The following ADAMTS17 variants were observed in gnomAD, a reference collection of about 807,000 sequenced individuals.
ADAMTS17 encodes A disintegrin and metalloproteinase with thrombospondin motifs 17.
ADAMTS17 carries 113 observed loss-of-function variants against 141.5 expected under a neutral mutation model. That is an observed-to-expected ratio of 0.80 (90% confidence interval 0.69 to 0.93). The LOEUF is 0.93. ADAMTS17 is among the 40% of genes least tolerant of loss of function. The probability of loss-of-function intolerance (pLI) is 0.00; values close to 1 mark genes in which losing one functional copy is unlikely to be tolerated. For missense variants in ADAMTS17, 1,659 were observed against 1,517.9 expected, an observed-to-expected ratio of 1.09 and a Z score of -1.54; for synonymous variants, 768 against 630.6, an observed-to-expected ratio of 1.22 and a Z score of -3.27.
rs1178385489 is a variant in ADAMTS17, at chr15:99,976,199, G to A, written c.2973C>T (p.Gly991=). Residue 991 remains glycine (G), a synonymous_variant, in exon 21 of 22, where the codon GGC becomes GGT. Transcript: ENST00000268070. ...TGCACTGCACCACCCGGGACTGCAG[G>A]CCCTTCCCGCAGGTCGACGAGCACT... ...WSTCSSTCGK[G]LQSRVVQCMH... is the part of the protein sequence containing the mutation. 6.5e-7 allele frequency: 1 copy of A among 1,548,214 alleles called. No homozygotes were observed. The highest frequency in any genetic ancestry group is 2.4e-5 in the East Asian group (1 of 40,922).
At chr15:100,089,163 A>T (rs1490958240) in intron 15 of ADAMTS17, among the ~76,000 whole-genome samples, 1 of 151,572 alleles carries the variant, frequency 6.6e-6, no homozygotes, top group Non-Finnish European at 1.5e-5. Context: ...ACCCCATCAA[A>T]AAGTGGGCAA....
intron 19 of ADAMTS17, among the ~76,000 whole-genome samples, chr15:99,994,687 C>T (rs2060762707): frequency 6.6e-6 from 1 of 152,192 alleles, no homozygotes; most frequent in Non-Finnish European, 1.5e-5. Context: ...CTGCCTCAGC[C>T]TCCTGAGTAG....
intron 7 of ADAMTS17, among the ~76,000 whole-genome samples, chr15:100,202,496 A>C (rs997447216): frequency 6.6e-6 from 1 of 152,238 alleles, no homozygotes; most frequent in Non-Finnish European, 1.5e-5. Context: ...TGTGTTTATG[A>C]GAGATGAGGT....
Position 100,132,168 on chromosome 15 carries a change from G to A in ADAMTS17, c.1576-16C>T. 1 of 1,611,690 alleles carries A rather than the reference G, an allele frequency of 6.2e-7. No homozygotes were observed. The highest frequency in any genetic ancestry group is 8.5e-7 in the Non-Finnish European group (1 of 1,179,454). On this transcript the variant is annotated splice_polypyrimidine_tract_variant and intron_variant, in intron 11 of 21. Coordinates refer to ENST00000268070, the MANE Select transcript of ADAMTS17 (RefSeq NM_139057.4). ...CGCGGCACCACTGAAACACAGCGGG[G>A]AGGGTCGGGGCCCAGGCACTCAGCA...
chr15:100,331,139 C>T (rs1366900791), intron 2 of ADAMTS17, 85 bp from the exon 3 acceptor site: 4 of 1,549,170 alleles, frequency 2.6e-6, no homozygotes, highest in Admixed American at 1.8e-5. Flanking sequence ...GGCAAGACCA[C>T]CTTGCTGTGA....
intron 3 of ADAMTS17, among the ~76,000 whole-genome samples, chr15:100,314,217 T>A (rs2045491546): frequency 6.6e-6 from 1 of 152,206 alleles, no homozygotes; most frequent in Non-Finnish European, 1.5e-5. Flanking sequence ...TCGGAAGACA[T>A]GACAGCTAAA....
chr15:100,239,479 C>T (rs1024019917), intron 7 of ADAMTS17, among the ~76,000 whole-genome samples: 6 of 152,090 alleles, frequency 3.9e-5, no homozygotes, highest in Non-Finnish European at 7.4e-5. Context: ...GTGCAGATCT[C>T]GGCACCGCTC....
chr15:100,157,113 C>G (rs955476826), intron 8 of ADAMTS17, among the ~76,000 whole-genome samples: 3 of 152,178 alleles, frequency 2.0e-5, no homozygotes, highest in African/African-American at 7.2e-5. Flanking sequence ...ACAAACCCAT[C>G]AGATCTTGTG....
In ADAMTS17 at chr15:99,997,371, G is replaced by A; in HGVS notation, c.2796+14C>T. 1 of 1,613,500 alleles carries A rather than the reference G, an allele frequency of 6.2e-7. No homozygotes were observed. The highest frequency in any genetic ancestry group is 1.6e-4 in the Middle Eastern group (1 of 6,062). On this transcript the variant is annotated intron_variant, in intron 19 of 21. Coordinates refer to ENST00000268070, the MANE Select transcript of ADAMTS17 (RefSeq NM_139057.4). The surrounding 1 kb of genome is among the most constrained non-coding windows in gnomAD (Gnocchi z 4.7). ...CCCTGTGGCTGAGTCCTGGTGGCAAGCCCAGGCACCCACCTGTGACCACTC... is the reference window on the plus strand; with the variant it reads ...CCCTGTGGCTGAGTCCTGGTGGCAAACCCAGGCACCCACCTGTGACCACTC...
intron 15 of ADAMTS17, among the ~76,000 whole-genome samples, chr15:100,066,511 C>A (rs1011872117): frequency 1.3e-5 from 2 of 152,058 alleles, no homozygotes; most frequent in Non-Finnish European, 2.9e-5. Flanking sequence ...TTCCTTAAAT[C>A]CATGTGAAGG....
At chr15:100,289,184 C>T (rs1171102142) in intron 3 of ADAMTS17, among the ~76,000 whole-genome samples, 1 of 152,080 alleles carries the variant, frequency 6.6e-6, no homozygotes, top group East Asian at 1.9e-4. Flanking sequence ...CACAGAAATA[C>T]AAAAAACTTT....
chr15:100,103,527 A>G (rs1017295975), intron 14 of ADAMTS17, among the ~76,000 whole-genome samples: 1 of 152,186 alleles, frequency 6.6e-6, no homozygotes, highest in African/African-American at 2.4e-5. Context: ...TCCAGATTCC[A>G]GAACCACTGA....
intron 7 of ADAMTS17, among the ~76,000 whole-genome samples, chr15:100,253,253 AAAG>A (rs1293374357): frequency 2.8e-4 from 41 of 146,626 alleles, no homozygotes; most frequent in Admixed American, 2.2e-3. Flanking sequence ...CACTGTGTGC[AAAG>A]AATGGTTTCC....
chr15:100,234,060 G>T (rs2042576688), intron 7 of ADAMTS17, among the ~76,000 whole-genome samples: 1 of 152,158 alleles, frequency 6.6e-6, no homozygotes, highest in Non-Finnish European at 1.5e-5. Flanking sequence ...TGTTGAAGAG[G>T]AAGCTCCGTG....
At chr15:100,013,642 C>G (rs2061230681) in intron 18 of ADAMTS17, among the ~76,000 whole-genome samples, 1 of 152,188 alleles carries the variant, frequency 6.6e-6, no homozygotes, top group Non-Finnish European at 1.5e-5. Flanking sequence ...TTGAGATGAT[C>G]ATGTGATTTT....
intron 6 of ADAMTS17, among the ~76,000 whole-genome samples, chr15:100,255,190 A>C (rs1023830627): frequency 1.3e-5 from 2 of 152,014 alleles, no homozygotes; most frequent in African/African-American, 2.4e-5. Flanking sequence ...CTTTTCTAAT[A>C]CTGGATCATT....
intron 18 of ADAMTS17, among the ~76,000 whole-genome samples, chr15:100,047,680 C>G (rs777986790): frequency 3.3e-5 from 5 of 152,158 alleles, no homozygotes; most frequent in African/African-American, 1.2e-4. Context: ...TCCATCGTCT[C>G]TTACCCTATT....
At chr15:100,270,809 T>A (rs1184308674) in intron 4 of ADAMTS17, among the ~76,000 whole-genome samples, 3 of 112,242 alleles carry the variant, frequency 2.7e-5, no homozygotes, top group Non-Finnish European at 5.8e-5. Flanking sequence ...TTAAGTGACA[T>A]TAAATATATT....
chr15:99,977,368 A>T (rs867351937), intron 20 of ADAMTS17, among the ~76,000 whole-genome samples: 98 of 9,630 alleles, frequency 0.01, 10 homozygotes, highest in African/African-American at 0.022. Context: ...ATATATATAT[A>T]TATATATATA....
Sources: allele counts gnomAD v4.1 joint callset (sites outside exome capture counted in the v4.1 genomes callset), GRCh38; gene constraint gnomAD v4.1.1; non-coding constraint Gnocchi (gnomAD v3.1); transcripts MANE v1.5; gene names NCBI Gene and HGNC (gene_info 2026-07-23, HGNC 2026-07-21).